Variants in ARMS2 observed in about 807,000 individuals in gnomAD.
ARMS2 encodes the protein age-related maculopathy susceptibility 2.
Under a neutral mutation model 6.0 loss-of-function variants are expected in ARMS2, and 4 were observed. The observed-to-expected ratio is 0.67, with a 90% CI of 0.33 to 1.53. The LOEUF (loss-of-function observed/expected upper bound fraction) is 1.53. Ranked by LOEUF, ARMS2 falls within the 40% of genes most tolerant of loss-of-function variation. ARMS2 has a pLI of 0.06. For missense variants in ARMS2, 99 were observed against 127.6 expected, an observed-to-expected ratio of 0.78 and a Z score of 1.08; for synonymous variants, 49 against 51.7, an observed-to-expected ratio of 0.95 and a Z score of 0.22.
At chr10:122,456,788 C>A in intron 1 of ARMS2, 119 bp from the exon 2 acceptor site, 1 of 1,405,754 alleles carries the variant, frequency 7.1e-7, no homozygotes, top group Non-Finnish European at 9.6e-7. Flanking sequence ...AATGTCTATA[C>A]TTCTTACCCT....
intron 1 of ARMS2, among the ~76,000 whole-genome samples, chr10:122,455,474 C>A (rs1035103426): frequency 6.6e-6 from 1 of 152,078 alleles, no homozygotes; most frequent in African/African-American, 2.4e-5. Context: ...TTCCAGTGCT[C>A]ATTTTTCCTG....
At chr10:122,455,140 G>A (rs1365189005) in intron 1 of ARMS2, 116 bp downstream of exon 1, 6 of 641,220 alleles carry the variant, frequency 9.4e-6, no homozygotes, top group Non-Finnish European at 1.6e-5. Flanking sequence ...GCATGCTCAG[G>A]TTTGAGCACC....
chr10:122,455,574 T>C lies in ARMS2; in HGVS notation c.297+550T>C, dbSNP rs7100813. 3.1e-3 allele frequency among the ~76,000 whole-genome samples: 471 copies of C among 152,284 alleles called. 4 individuals carry two copies. Among genetic ancestry groups the C allele is most frequent in the African/African-American group, 0.01 (420 of 41,570 alleles). ...AGAGAAAGAATCTGGGCCTTACAGG[T>C]CACGTTGGTTTAAAATTTAGACATC... On this transcript the variant is annotated intron_variant, in intron 1 of 1. Transcript: ENST00000528446.
At chr10:122,455,214 A>G (rs1195915506) in intron 1 of ARMS2, among the ~76,000 whole-genome samples, 190 bp downstream of exon 1, 1 of 152,228 alleles carries the variant, frequency 6.6e-6, no homozygotes, top group African/African-American at 2.4e-5. Context: ...AGAATTGGGA[A>G]TATCAGTAAA....
chr10:122,456,806 T>TA, intron 1 of ARMS2, 101 bp from the exon 2 acceptor site: 2 of 1,500,192 alleles, frequency 1.3e-6, no homozygotes, highest in Non-Finnish European at 1.8e-6. Context: ...CCTATTGAGT[T>TA]ACATTAACTG....
At chr10:122,456,883 T>C in intron 1 of ARMS2, 24 bp from the exon 2 acceptor site, 1 of 1,550,582 alleles carries the variant, frequency 6.4e-7, no homozygotes. Flanking sequence ...AAAATGCATA[T>C]TACTAAATCT....
chr10:122,455,012 C>T lies in ARMS2; in HGVS notation c.285C>T (p.His95=). 6.4e-7 allele frequency: 1 copy of T among 1,557,942 alleles called. No homozygotes were observed. The highest frequency in any genetic ancestry group is 1.7e-4 in the Middle Eastern group (1 of 5,966). The change falls in exon 1 of 2, where the codon CAC becomes CAT. Residue 95 remains histidine (H), a synonymous_variant. Coordinates refer to ENST00000528446, the MANE Select transcript of ARMS2 (RefSeq NM_001099667.3). ...AGAGGAGGTTCCAGCAGCCTCAGCA[C>T]CACCTGACACTGGTAAGAAATGCAG... ...GTQRRFQQPQ[H]HLTLSIIHTA...
chr10:122,456,443 T>A (rs1383432911), intron 1 of ARMS2, among the ~76,000 whole-genome samples: 1 of 151,812 alleles, frequency 6.6e-6, no homozygotes, highest in Non-Finnish European at 1.5e-5. Context: ...TCACTTGCAG[T>A]CAGGAGTTTG....
intron 1 of ARMS2, 44 bp from the exon 2 acceptor site, chr10:122,456,863 T>C (rs1402665169): frequency 2.0e-6 from 3 of 1,487,400 alleles, no homozygotes; most frequent in African/African-American, 3.9e-5. Flanking sequence ...AATATCGTCA[T>C]GTGTCTTTAA....
rs2097477620 is a variant in ARMS2, at chr10:122,456,905, AG to A, written c.298-1del. On this transcript the variant is annotated splice_acceptor_variant, in intron 1 of 1. Transcript: ENST00000528446. LOFTEE classifies it high-confidence loss of function. Reference sequence around the variant, plus strand: ...ATATTACTAAATCTATTTTTTTTTCAGTCTATCATCCACACTGCAGCAAGGT... The same window carrying A: ...ATATTACTAAATCTATTTTTTTTTCATCTATCATCCACACTGCAGCAAGGT... The A allele has an allele frequency of 4.5e-6, 7 of 1,547,608 alleles. No individual in the cohort carries two copies. Among genetic ancestry groups the A allele is most frequent in the Non-Finnish European group, 6.1e-6 (7 of 1,145,726 alleles).
intron 1 of ARMS2, among the ~76,000 whole-genome samples, chr10:122,455,352 G>A (rs2097476337): frequency 6.6e-6 from 1 of 152,200 alleles, no homozygotes; most frequent in Non-Finnish European, 1.5e-5. Flanking sequence ...TCAAGCCGGT[G>A]AATTGGCTTT....
At position 122,457,131 on chromosome 10, in the gene ARMS2, C is replaced by CGGACTCATCACGTCATCAGTGG; in HGVS notation, c.*216_*217insGTGGGGACTCATCACGTCATCA. The CGGACTCATCACGTCATCAGTGG allele has an allele frequency of 1.6e-6, 1 of 625,344 alleles. No homozygotes were observed. 38.7% of individuals were successfully genotyped at this position (625,344 alleles called of 1,614,324 possible). On this transcript the variant is annotated 3_prime_UTR_variant, in exon 2 of 2. Coordinates refer to ENST00000528446, the MANE Select transcript of ARMS2 (RefSeq NM_001099667.3). ...GCAACCTGGAATTTCCCCACCTGGG[C>CGGACTCATCACGTCATCAGTGG]GGACTCATCACGTCATCACCAATTG... is the stretch of plus-strand genomic sequence containing the variant.
Position 122,457,114 on chromosome 10 carries a change from G to A in ARMS2, c.*181G>A, listed in dbSNP as rs932174834. The A allele has an allele frequency of 2.4e-5, 17 of 707,910 alleles. No individual in the cohort carries two copies. The highest frequency in any genetic ancestry group is 3.7e-5 in the Non-Finnish European group (16 of 437,068). 43.9% of individuals were successfully genotyped at this position (707,910 alleles called of 1,614,324 possible). On this transcript the variant is annotated 3_prime_UTR_variant, in exon 2 of 2. Coordinates refer to ENST00000528446, the MANE Select transcript of ARMS2 (RefSeq NM_001099667.3). ...ACCTGCGGCCACACTGTGCAACCTG[G>A]AATTTCCCCACCTGGGCGGACTCAT...
At chr10:122,456,801 T>TTA in intron 1 of ARMS2, 106 bp from the exon 2 acceptor site, 1 of 1,471,910 alleles carries the variant, frequency 6.8e-7, no homozygotes, top group South Asian at 1.3e-5. Context: ...CTTACCCTAT[T>TTA]GAGTTACATT....
rs556318146 is a variant in ARMS2 at position 122,457,104 on chromosome 10, G to A, written c.*171G>A. ...CTCTCTTCCCACCTGCGGCCACACTGTGCAACCTGGAATTTCCCCACCTGG... is the reference window on the plus strand; with the variant it reads ...CTCTCTTCCCACCTGCGGCCACACTATGCAACCTGGAATTTCCCCACCTGG... On this transcript the variant is annotated 3_prime_UTR_variant, in exon 2 of 2. Coordinates refer to ENST00000528446, the MANE Select transcript of ARMS2 (RefSeq NM_001099667.3). 2.5e-6 allele frequency: 2 copies of A among 789,918 alleles called. No homozygotes were observed. Among genetic ancestry groups the A allele is most frequent in the Non-Finnish European group, 3.9e-6 (2 of 508,060 alleles). 48.9% of individuals were successfully genotyped at this position (789,918 alleles called of 1,614,324 possible).
In ARMS2 at chr10:122,454,705, C is replaced by A. The variant is rs771195269; in HGVS notation, c.-23C>A. 8 of 1,603,056 alleles carry A rather than the reference C, an allele frequency of 5.0e-6. No homozygotes were observed. The Admixed American group carries it at 8.4e-5, about 17-fold the overall frequency. On this transcript the variant is annotated 5_prime_UTR_variant, in exon 1 of 2. Transcript: ENST00000528446. ...GGCAAGGGGACAGCACCTTTGTCAC[C>A]ACATTATGTCCCTGTACCCTACATG...
At chr10:122,455,275 G>A (rs2097476288) in intron 1 of ARMS2, among the ~76,000 whole-genome samples, 1 of 152,216 alleles carries the variant, frequency 6.6e-6, no homozygotes, top group South Asian at 2.1e-4. Context: ...AGAAGACGCA[G>A]TAGGTCTGAG....
rs1565398881 is a variant in ARMS2 at position 122,456,911 on chromosome 10, T to C, written c.302T>C (p.Ile101Thr). The C allele has an allele frequency of 1.3e-6, 2 of 1,551,436 alleles. No individual in the cohort carries two copies. The highest frequency in any genetic ancestry group is 1.7e-6 in the Non-Finnish European group (2 of 1,146,898). Residue 101 changes from isoleucine (I) to threonine (T), a missense_variant, in exon 2 of 2, where the codon ATC becomes ACC. By Grantham distance (89) the Ile-to-Thr change is moderately conservative. Transcript: ENST00000528446. ...CTAAATCTATTTTTTTTTCAGTCTA[T>C]CATCCACACTGCAGCAAGGTGATTC... ...QQPQHHLTLS[I>T]IHTAAR
At chr10:122,456,791 C>T (rs534970084) in intron 1 of ARMS2, 116 bp from the exon 2 acceptor site, 3 of 1,425,648 alleles carry the variant, frequency 2.1e-6, no homozygotes, top group Non-Finnish European at 2.8e-6. Flanking sequence ...GTCTATACTT[C>T]TTACCCTATT....
Sources: gnomAD v4.1 joint callset for allele counts (sites outside exome capture counted in the v4.1 genomes callset) on GRCh38, gnomAD v4.1.1 for gene constraint, MANE v1.5 for transcripts, NCBI Gene and HGNC (gene_info 2026-07-23, HGNC 2026-07-21) for gene names.